The following PTPRD variants were observed in gnomAD, a reference collection of about 807,000 sequenced individuals.
PTPRD encodes receptor-type tyrosine-protein phosphatase delta.
Under a neutral mutation model 214.5 loss-of-function variants are expected in PTPRD, and 34 were observed. That is an observed-to-expected ratio of 0.16 (90% CI 0.12 to 0.21). The LOEUF (loss-of-function observed/expected upper bound fraction) is 0.21. PTPRD is among the 10% of genes least tolerant of loss of function. The pLI is 1.00. For synonymous variants in PTPRD, 1,128 were observed against 845.7 expected, an observed-to-expected ratio of 1.33 and a Z score of -5.79; for missense variants, 2,545 against 2,398.7, an observed-to-expected ratio of 1.06 and a Z score of -1.27.
chr9:10,265,243 G>T (rs1288104026), intron 3 of PTPRD, among the ~76,000 whole-genome samples: 2 of 152,072 alleles, frequency 1.3e-5, no homozygotes, highest in African/African-American at 4.8e-5. Flanking sequence ...TGCTGCTTTT[G>T]GAAGTCCTAC....
intron 30 of PTPRD, among the ~76,000 whole-genome samples, chr9:8,477,973 A>G (rs2096799446): frequency 6.6e-6 from 1 of 152,198 alleles, no homozygotes; most frequent in South Asian, 2.1e-4. Flanking sequence ...TTCCTCAGCT[A>G]TAAAATAAGG....
intron 11 of PTPRD, among the ~76,000 whole-genome samples, chr9:8,937,085 G>T (rs1299031722): frequency 1.3e-5 from 2 of 151,946 alleles, no homozygotes; most frequent in African/African-American, 2.4e-5. Context: ...AGAAATGGTA[G>T]TTTTTTTACC....
At chr9:8,822,781 C>T (rs1196416987) in intron 11 of PTPRD, among the ~76,000 whole-genome samples, 10 of 152,070 alleles carry the variant, frequency 6.6e-5, no homozygotes, top group Non-Finnish European at 1.0e-4. Flanking sequence ...TGGAACAGAA[C>T]TGGAATCCAA....
At chr9:8,497,015 A>G (rs956329205) in intron 26 of PTPRD, among the ~76,000 whole-genome samples, 4 of 152,324 alleles carry the variant, frequency 2.6e-5, no homozygotes, top group East Asian at 1.9e-4. Context: ...ATCAAAACAA[A>G]TATCACAAGC....
chr9:9,843,057 T>A (rs1469754200), intron 5 of PTPRD, among the ~76,000 whole-genome samples: 1 of 152,138 alleles, frequency 6.6e-6, no homozygotes, highest in Non-Finnish European at 1.5e-5. Flanking sequence ...TAAGGTTTTA[T>A]TGGAACACAG....
chr9:9,908,384 G>A (rs1053712017), intron 5 of PTPRD, among the ~76,000 whole-genome samples: 2 of 151,940 alleles, frequency 1.3e-5, no homozygotes, highest in African/African-American at 2.4e-5. Context: ...GTGGGAAGGG[G>A]TCTCTCCAGC....
At chr9:9,387,942 A>G (rs535332627) in intron 9 of PTPRD, among the ~76,000 whole-genome samples, 2 of 152,292 alleles carry the variant, frequency 1.3e-5, no homozygotes, top group South Asian at 2.1e-4. Context: ...TCCCACCTAT[A>G]GGTGGCCTGT....
chr9:9,508,660 C>G (rs1238060895), intron 8 of PTPRD, among the ~76,000 whole-genome samples: 1 of 151,570 alleles, frequency 6.6e-6, no homozygotes, highest in African/African-American at 2.4e-5. Context: ...CATTTTCAGT[C>G]TTCTTTGAGC....
chr9:8,464,706 A>C (rs1379479477), intron 32 of PTPRD, among the ~76,000 whole-genome samples: 1 of 96,834 alleles, frequency 1.0e-5, no homozygotes, highest in African/African-American at 4.5e-5. Context: ...TATCTACAAT[A>C]TCTCTCCCCT....
At chr9:9,119,960 T>G (rs1002624319) in intron 10 of PTPRD, among the ~76,000 whole-genome samples, 2 of 152,188 alleles carry the variant, frequency 1.3e-5, no homozygotes, top group Admixed American at 6.5e-5. Context: ...AAAATTCTCA[T>G]GCACTCCATA....
At chr9:8,423,591 C>T (rs2094491212) in intron 35 of PTPRD, among the ~76,000 whole-genome samples, 2 of 152,098 alleles carry the variant, frequency 1.3e-5, no homozygotes, top group African/African-American at 4.8e-5. Flanking sequence ...CAAGTTTCCC[C>T]TTCTTCATTG....
chr9:9,620,396 T>G (rs1778433720), intron 7 of PTPRD, among the ~76,000 whole-genome samples: 1 of 152,176 alleles, frequency 6.6e-6, no homozygotes, highest in Non-Finnish European at 1.5e-5. Flanking sequence ...ACCATATTTA[T>G]CCTCAGCTGG....
intron 21 of PTPRD, among the ~76,000 whole-genome samples, chr9:8,517,128 C>A (rs1008651695): frequency 6.6e-6 from 1 of 151,122 alleles, no homozygotes; most frequent in East Asian, 2.0e-4. Flanking sequence ...TTAGAAGAGG[C>A]CTGTTATTTT....
intron 35 of PTPRD, among the ~76,000 whole-genome samples, chr9:8,431,704 C>T (rs190438728): frequency 2.0e-5 from 3 of 152,282 alleles, no homozygotes; most frequent in African/African-American, 7.2e-5. Flanking sequence ...ATCAAAGTCA[C>T]CTGAAGAGCT....
intron 11 of PTPRD, among the ~76,000 whole-genome samples, chr9:8,778,992 C>G (rs10453178): frequency 1.3e-5 from 2 of 151,978 alleles, no homozygotes; most frequent in East Asian, 1.9e-4. Flanking sequence ...TATCTTCACT[C>G]TAAATCATGT....
chr9:10,504,653 G>T (rs1476241592), intron 2 of PTPRD, among the ~76,000 whole-genome samples: 1 of 152,044 alleles, frequency 6.6e-6, no homozygotes, highest in Admixed American at 6.6e-5. Context: ...AGGTAAACAG[G>T]ACACTTCCTT....
chr9:8,370,903 C>A (rs1188012255), intron 39 of PTPRD, among the ~76,000 whole-genome samples: 1 of 152,082 alleles, frequency 6.6e-6, no homozygotes, highest in Non-Finnish European at 1.5e-5. Context: ...GCTGTTTTTT[C>A]TTCTGTGAAA....
intron 11 of PTPRD, among the ~76,000 whole-genome samples, chr9:8,839,438 C>T (rs1040241098): frequency 3.9e-5 from 6 of 152,124 alleles, no homozygotes; most frequent in Admixed American, 1.3e-4. Flanking sequence ...AATTCTCCTG[C>T]CTCAGCCACC....
At chr9:10,052,695 C>G (rs2097556122) in intron 3 of PTPRD, among the ~76,000 whole-genome samples, 2 of 152,136 alleles carry the variant, frequency 1.3e-5, no homozygotes, top group African/African-American at 4.8e-5. Context: ...ATGAGTTTCT[C>G]ATTCAAAGTC....
Sources: allele counts gnomAD v4.1 joint callset (sites outside exome capture counted in the v4.1 genomes callset), GRCh38; gene constraint gnomAD v4.1.1; transcripts MANE v1.5; gene names NCBI Gene and HGNC (gene_info 2026-07-23, HGNC 2026-07-21).